The following LDB2 variants were observed in gnomAD, a reference collection of about 807,000 sequenced individuals.
LDB2 encodes the protein LIM domain-binding protein 2.
A neutral mutation model predicts 44.3 loss-of-function variants in LDB2; 12 were observed. That is an observed-to-expected ratio of 0.27 (90% CI 0.17 to 0.44). LDB2 has a LOEUF of 0.44. Ranked by LOEUF, LDB2 falls within the 20% of genes least tolerant of loss-of-function variation. The probability of loss-of-function intolerance (pLI) is 1.00; values close to 1 mark genes in which losing one functional copy is unlikely to be tolerated. For synonymous variants in LDB2, 164 were observed against 174.8 expected (o/e 0.94, Z 0.49); for missense variants, 344 against 473.5 (o/e 0.73, Z 2.54).
At chr4:16,510,103 G>C (rs28568694) in intron 6 of LDB2, among the ~76,000 whole-genome samples, 1,623 of 152,202 alleles carry the variant, frequency 0.011, 34 homozygotes, top group African/African-American at 0.037. Flanking sequence ...GACAGAGCAA[G>C]ACCATGTCTC....
At chr4:16,748,196 G>A (rs1228683367) in intron 2 of LDB2, among the ~76,000 whole-genome samples, 1 of 152,082 alleles carries the variant, frequency 6.6e-6, no homozygotes, top group Non-Finnish European at 1.5e-5. Flanking sequence ...TGTCATCATT[G>A]TCAAGTTCAA....
At chr4:16,684,264 T>C (rs1034238979) in intron 2 of LDB2, among the ~76,000 whole-genome samples, 10 of 152,202 alleles carry the variant, frequency 6.6e-5, no homozygotes, top group African/African-American at 2.4e-4. Flanking sequence ...ACAGCAACAG[T>C]CATGACTCGA....
intron 2 of LDB2, among the ~76,000 whole-genome samples, chr4:16,628,917 C>T (rs1407598051): frequency 1.3e-5 from 2 of 152,208 alleles, no homozygotes; most frequent in Non-Finnish European, 2.9e-5. Flanking sequence ...GCACTTTTCC[C>T]ATGGTCTCAC....
At chr4:16,598,679 GAA>G (rs1721720694) in intron 2 of LDB2, among the ~76,000 whole-genome samples, 1 of 152,070 alleles carries the variant, frequency 6.6e-6, no homozygotes, top group African/African-American at 2.4e-5. Flanking sequence ...TTCCCTGAAA[GAA>G]AGAGGGAAGT....
intron 2 of LDB2, among the ~76,000 whole-genome samples, chr4:16,618,002 CT>C (rs34902452): frequency 6.6e-6 from 1 of 151,928 alleles, no homozygotes; most frequent in Non-Finnish European, 1.5e-5. Flanking sequence ...ATAATTCTTT[CT>C]TTTTTTGAGC....
intron 1 of LDB2, among the ~76,000 whole-genome samples, chr4:16,866,927 T>G (rs1714903038): frequency 6.6e-6 from 1 of 151,856 alleles, no homozygotes; most frequent in Admixed American, 6.6e-5. Context: ...TATTCCCATA[T>G]CAATGGGTAT....
At chr4:16,803,226 A>AT (rs371372143) in intron 1 of LDB2, among the ~76,000 whole-genome samples, 64 of 151,610 alleles carry the variant, frequency 4.2e-4, no homozygotes, top group Non-Finnish European at 6.0e-4. Context: ...ATCTCCTACC[A>AT]TTTTTTTTCA....
chr4:16,877,836 A>T (rs1718882435), intron 1 of LDB2, among the ~76,000 whole-genome samples: 1 of 152,218 alleles, frequency 6.6e-6, no homozygotes, highest in African/African-American at 2.4e-5. Context: ...AGGAAAGGGG[A>T]TAAAACTATA....
At chr4:16,792,612 A>T in intron 1 of LDB2, among the ~76,000 whole-genome samples, 1 of 152,234 alleles carries the variant, frequency 6.6e-6, no homozygotes, top group East Asian at 1.9e-4. Context: ...CGAAAGATGC[A>T]TCATGGTTAT....
chr4:16,803,087 A>G (rs975125164), intron 1 of LDB2, among the ~76,000 whole-genome samples: 4 of 152,178 alleles, frequency 2.6e-5, no homozygotes, highest in Non-Finnish European at 5.9e-5. Context: ...GTAATATTCT[A>G]CTGTAAAGAC....
At chr4:16,688,642 A>C (rs1162739669) in intron 2 of LDB2, among the ~76,000 whole-genome samples, 1 of 152,210 alleles carries the variant, frequency 6.6e-6, no homozygotes, top group Non-Finnish European at 1.5e-5. Context: ...CAGGAGACCT[A>C]GTTTGGAGCT....
chr4:16,850,947 A>AGTGTGTGTGTGTGT (rs71181193), intron 1 of LDB2, among the ~76,000 whole-genome samples: 4,246 of 143,112 alleles, frequency 0.03, 96 homozygotes, highest in Middle Eastern at 0.059. Context: ...TAAAACCATA[A>AGTGTGTGTGTGTGT]GTGTGTGTGT....
At chr4:16,517,473 C>G (rs946673199) in intron 5 of LDB2, among the ~76,000 whole-genome samples, 2 of 152,186 alleles carry the variant, frequency 1.3e-5, no homozygotes, top group African/African-American at 4.8e-5. Context: ...GACTTTTTCC[C>G]TTTGCCTAAA....
chr4:16,748,274 A>G (rs1391767112), intron 2 of LDB2, among the ~76,000 whole-genome samples: 1 of 152,218 alleles, frequency 6.6e-6, no homozygotes, highest in Non-Finnish European at 1.5e-5. Flanking sequence ...AAAGAGTAGT[A>G]AGGAGAATAC....
intron 1 of LDB2, among the ~76,000 whole-genome samples, chr4:16,861,879 T>C (rs745463597): frequency 6.6e-6 from 1 of 152,182 alleles, no homozygotes; most frequent in Admixed American, 6.5e-5. Context: ...CCCGAACCTA[T>C]ACACCTGCGG....
chr4:16,617,303 G>A (rs759490720), intron 2 of LDB2, among the ~76,000 whole-genome samples: 5 of 150,594 alleles, frequency 3.3e-5, no homozygotes, highest in Admixed American at 6.6e-5. Context: ...AACCCTCCCC[G>A]GGAAAAAAAA....
intron 1 of LDB2, among the ~76,000 whole-genome samples, chr4:16,764,747 G>C (rs1319516101): frequency 6.6e-6 from 1 of 152,208 alleles, no homozygotes; most frequent in Non-Finnish European, 1.5e-5. Flanking sequence ...CATCATTGGA[G>C]AAATGATGCG....
chr4:16,629,867 G>T lies in LDB2; in HGVS notation c.236-33992C>A, dbSNP rs147346923. ...TTGAAGATCAAATTAATGAAATTGAGTGAGAAGACAAGATTAGAGAAAAAG... is the reference window on the plus strand; with the variant it reads ...TTGAAGATCAAATTAATGAAATTGATTGAGAAGACAAGATTAGAGAAAAAG... On this transcript the variant is annotated intron_variant, in intron 2 of 7. Transcript: ENST00000304523. Among the ~76,000 whole-genome samples the T allele has an allele frequency of 3.0e-3, 462 of 152,090 alleles. 5 individuals are homozygous for T. Among genetic ancestry groups the T allele is most frequent in the East Asian group, 0.015 (79 of 5,124 alleles).
intron 6 of LDB2, among the ~76,000 whole-genome samples, 166 bp from the exon 7 acceptor site, chr4:16,508,852 A>C (rs1720604354): frequency 6.6e-6 from 1 of 152,186 alleles, no homozygotes; most frequent in African/African-American, 2.4e-5. Context: ...AAAACTGTAG[A>C]TGTGTTTTTA....
Sources: gnomAD v4.1 joint callset for allele counts (sites outside exome capture counted in the v4.1 genomes callset) on GRCh38, gnomAD v4.1.1 for gene constraint, MANE v1.5 for transcripts, NCBI Gene and HGNC (gene_info 2026-07-23, HGNC 2026-07-21) for gene names.